The following ACTR3C variants were observed in gnomAD, a reference collection of about 807,000 sequenced individuals.
The protein encoded by ACTR3C is actin related protein 3C.
ACTR3C carries 18 observed loss-of-function variants against 26.3 expected under a neutral mutation model. The ratio of observed to expected loss-of-function variants is 0.68; its 90% confidence interval spans 0.47 to 1.01. ACTR3C has a LOEUF of 1.01. Among genes scored for constraint, ACTR3C ranks in the 50% least tolerant of loss-of-function variants. The pLI, the probability that ACTR3C is intolerant of heterozygous loss-of-function variation, is 0.00. For missense variants in ACTR3C, 184 were observed against 250.7 expected, an observed-to-expected ratio of 0.73 and a Z score of 1.80; for synonymous variants, 55 against 94.5, an observed-to-expected ratio of 0.58 and a Z score of 2.42.
intron 7 of ACTR3C, chr7:150,248,375 A>AT (rs1244963928): frequency 2.0e-5 from 3 of 152,096 alleles, no homozygotes; most frequent in Non-Finnish European, 4.4e-5. Context: ...AAAAAAAAAA[A>AT]GAGTAGGCCG....
the ACTR3C span, among the ~76,000 whole-genome samples, chr7:150,033,810 G>T: frequency 6.6e-6 from 1 of 151,938 alleles, no homozygotes; most frequent in African/African-American, 2.4e-5. Context: ...GGGGAAGAGG[G>T]ACTGGCTCTC....
chr7:150,128,706 C>G, the ACTR3C span, among the ~76,000 whole-genome samples: 1 of 151,248 alleles, frequency 6.6e-6, no homozygotes, highest in African/African-American at 2.4e-5. Context: ...GATAGTAAAC[C>G]TATAGATTTC....
At chr7:150,305,836 G>C (rs1360523497) in intron 1 of ACTR3C, among the ~76,000 whole-genome samples, 2 of 152,072 alleles carry the variant, frequency 1.3e-5, no homozygotes, top group Non-Finnish European at 1.5e-5. Flanking sequence ...GACTGGGCAC[G>C]GCCATCAGAA....
the ACTR3C span, among the ~76,000 whole-genome samples, chr7:150,102,337 A>T: frequency 6.6e-6 from 1 of 151,866 alleles, no homozygotes; most frequent in African/African-American, 2.4e-5. Context: ...GATTTATTCG[A>T]TTACTGCATT....
At chr7:150,101,611 C>T in the ACTR3C span, among the ~76,000 whole-genome samples, 1 of 151,764 alleles carries the variant, frequency 6.6e-6, no homozygotes, top group Admixed American at 6.6e-5. Flanking sequence ...CCTGCCACAG[C>T]TGGACAGGGG....
chr7:150,192,329 G>A, the ACTR3C span, among the ~76,000 whole-genome samples: 1 of 151,572 alleles, frequency 6.6e-6, no homozygotes, highest in Admixed American at 6.6e-5. Flanking sequence ...GTCTTGCTCT[G>A]TTACCCAGAG....
At chr7:150,031,314 T>C in the ACTR3C span, among the ~76,000 whole-genome samples, 6 of 150,432 alleles carry the variant, frequency 4.0e-5, no homozygotes, top group South Asian at 4.2e-4. Flanking sequence ...CCGTGGCTGA[T>C]ATTTCAGTAG....
the ACTR3C span, among the ~76,000 whole-genome samples, chr7:149,948,712 G>A: frequency 6.6e-6 from 1 of 152,008 alleles, no homozygotes; most frequent in Non-Finnish European, 1.5e-5. Context: ...ATTTGAAGGA[G>A]GTGACTCCCT....
the ACTR3C span, among the ~76,000 whole-genome samples, chr7:150,019,895 A>G: frequency 6.6e-6 from 1 of 152,214 alleles, no homozygotes; most frequent in South Asian, 2.1e-4. Flanking sequence ...ACATAATGAT[A>G]CTGAAAGTTT....
the ACTR3C span, among the ~76,000 whole-genome samples, chr7:150,077,049 C>A: frequency 6.6e-6 from 1 of 151,988 alleles, no homozygotes; most frequent in Non-Finnish European, 1.5e-5. Flanking sequence ...CCTGTAATTC[C>A]AGCTACTTGG....
the ACTR3C span, among the ~76,000 whole-genome samples, chr7:149,922,969 G>GTTTTTTTTTTTTTT: frequency 2.6e-4 from 6 of 23,104 alleles, no homozygotes; most frequent in Admixed American, 1.2e-3. Flanking sequence ...GAAATAAAAG[G>GTTTTTTTTTTTTTT]CTTTTTTTTT....
At chr7:150,264,654 C>T (rs71537919) in intron 6 of ACTR3C, 72,263 of 955,960 alleles carry the variant, frequency 0.076, 1,436 homozygotes, top group South Asian at 0.087. Context: ...GTCCCTAAAC[C>T]GAGTCGATTA....
chr7:149,965,742 G>A, the ACTR3C span, among the ~76,000 whole-genome samples: 320 of 151,482 alleles, frequency 2.1e-3, no homozygotes, highest in African/African-American at 7.5e-3. Flanking sequence ...GCTTAAAATA[G>A]CTTCTAAATC....
the ACTR3C span, among the ~76,000 whole-genome samples, chr7:150,012,315 A>ATTTTTTTTTTTTT: frequency 2.5e-4 from 23 of 91,992 alleles, 1 homozygote; most frequent in East Asian, 5.8e-4. Context: ...TTATAAATGC[A>ATTTTTTTTTTTTT]TCTTTTTTTT....
intron 3 of ACTR3C, among the ~76,000 whole-genome samples, chr7:150,291,106 G>A (rs1272696356): frequency 2.6e-5 from 4 of 151,870 alleles, no homozygotes; most frequent in African/African-American, 7.3e-5. Flanking sequence ...GTGTGTGTGT[G>A]TGCATGCATG....
At chr7:150,023,949 C>A in the ACTR3C span, among the ~76,000 whole-genome samples, 8 of 136,470 alleles carry the variant, frequency 5.9e-5, no homozygotes, top group African/African-American at 1.6e-4. Context: ...CAGGAGGAAG[C>A]GCAGGCTTGG....
At chr7:150,026,431 G>A in the ACTR3C span, among the ~76,000 whole-genome samples, 3 of 152,086 alleles carry the variant, frequency 2.0e-5, no homozygotes, top group Non-Finnish European at 2.9e-5. Flanking sequence ...TTTCAAAGAG[G>A]ATGGATTAAA....
chr7:150,250,502 C>T (rs1331840332), intron 6 of ACTR3C, among the ~76,000 whole-genome samples: 1 of 151,870 alleles, frequency 6.6e-6, no homozygotes, highest in East Asian at 1.9e-4. Context: ...TGCGCCCGGC[C>T]GACTTGAATT....
At chr7:149,912,322 A>AT in the ACTR3C span, among the ~76,000 whole-genome samples, 1 of 151,932 alleles carries the variant, frequency 6.6e-6, no homozygotes, top group Non-Finnish European at 1.5e-5. Context: ...TCAACTAAAC[A>AT]CTGATGATAT....
Sources: gnomAD v4.1 joint callset for allele counts (sites outside exome capture counted in the v4.1 genomes callset) on GRCh38, gnomAD v4.1.1 for gene constraint, MANE v1.5 for transcripts, NCBI Gene and HGNC (gene_info 2026-07-23, HGNC 2026-07-21) for gene names.